The following FGD4 variants were observed in gnomAD, a reference collection of about 807,000 sequenced individuals.
The protein encoded by FGD4 is FYVE, RhoGEF and PH domain-containing protein 4.
A neutral mutation model predicts 102.0 loss-of-function variants in FGD4; 42 were observed. The observed-to-expected ratio is 0.41, with a 90% CI of 0.32 to 0.53. The LOEUF (loss-of-function observed/expected upper bound fraction) is 0.53, where lower values mean the gene tolerates loss of function less well. Ranked by LOEUF, FGD4 falls within the 20% of genes least tolerant of loss-of-function variation. The pLI, the probability that FGD4 is intolerant of heterozygous loss-of-function variation, is 0.21. For synonymous variants in FGD4, 380 were observed against 375.7 expected, an observed-to-expected ratio of 1.01 and a Z score of -0.13; for missense variants, 902 against 1,078.2, an observed-to-expected ratio of 0.84 and a Z score of 2.29.
At chr12:32,540,811 C>T (rs1292638316) in intron 1 of FGD4, among the ~76,000 whole-genome samples, 3 of 152,042 alleles carry the variant, frequency 2.0e-5, no homozygotes, top group African/African-American at 4.8e-5. Flanking sequence ...GTGATTCGCC[C>T]GCCTCTGCCT....
At chr12:32,567,125 T>C (rs1370142920) in intron 2 of FGD4, among the ~76,000 whole-genome samples, 1 of 152,200 alleles carries the variant, frequency 6.6e-6, no homozygotes, top group Admixed American at 6.5e-5. Flanking sequence ...TGTAGCCCTC[T>C]CCAGCACAAG....
intron 1 of FGD4, among the ~76,000 whole-genome samples, chr12:32,518,170 A>G (rs571701407): frequency 6.6e-6 from 1 of 152,316 alleles, no homozygotes; most frequent in South Asian, 2.1e-4. Context: ...CCTACATTCT[A>G]GGAGATGCCT....
chr12:32,630,838 T>A (rs879937434), intron 14 of FGD4, among the ~76,000 whole-genome samples: 80 of 146,556 alleles, frequency 5.5e-4, no homozygotes, highest in Non-Finnish European at 1.0e-3. Context: ...ATTAGCCTGG[T>A]GTGGTGGCAC....
chr12:32,484,309 A>G (rs531034131), intron 1 of FGD4, among the ~76,000 whole-genome samples: 1 of 152,306 alleles, frequency 6.6e-6, no homozygotes, highest in South Asian at 2.1e-4. Flanking sequence ...GTGTTTTACT[A>G]TACCCATCAA....
At chr12:32,452,490 G>C (rs1336005090) in intron 1 of FGD4, among the ~76,000 whole-genome samples, 2 of 152,240 alleles carry the variant, frequency 1.3e-5, no homozygotes, top group Non-Finnish European at 2.9e-5. Flanking sequence ...TGATTAATCT[G>C]AGTGTAGGTA....
intron 1 of FGD4, among the ~76,000 whole-genome samples, chr12:32,559,042 C>G (rs1007390356): frequency 2.0e-5 from 3 of 152,172 alleles, no homozygotes; most frequent in African/African-American, 7.2e-5. Flanking sequence ...TAAATCAGCC[C>G]TACTGGTTCT....
At chr12:32,484,507 A>G (rs1356017500) in intron 1 of FGD4, among the ~76,000 whole-genome samples, 1 of 152,204 alleles carries the variant, frequency 6.6e-6, no homozygotes, top group Non-Finnish European at 1.5e-5. Context: ...GTGTTATGTA[A>G]ATGTTGAATT....
chr12:32,455,682 T>C (rs1027958286), intron 1 of FGD4, among the ~76,000 whole-genome samples: 1 of 152,134 alleles, frequency 6.6e-6, no homozygotes, highest in Non-Finnish European at 1.5e-5. Context: ...TTTTGTGAAA[T>C]AGAGGTGTTT....
At position 32,611,296 on chromosome 12, in the gene FGD4, G is replaced by A. The variant is rs373049957; in HGVS notation, c.1749+13G>A. On this transcript the variant is annotated intron_variant, in intron 10 of 16. Transcript: ENST00000534526. ...CTACCTTTTCTTAGTGAGTATTATAGTGTTGGCAAGTCATATAAGAATTAT... is the reference window on the plus strand; with the variant it reads ...CTACCTTTTCTTAGTGAGTATTATAATGTTGGCAAGTCATATAAGAATTAT... 55 of 1,613,944 alleles carry A rather than the reference G, an allele frequency of 3.4e-5. No individual in the cohort carries two copies. The highest frequency in any genetic ancestry group is 1.5e-4 in the African/African-American group (11 of 74,928).
At chr12:32,573,017 G>A (rs1945800596) in intron 2 of FGD4, among the ~76,000 whole-genome samples, 2 of 152,186 alleles carry the variant, frequency 1.3e-5, no homozygotes, top group Admixed American at 6.5e-5. Flanking sequence ...TCAATTCCTG[G>A]GTTGCTTCTA....
In FGD4 at chr12:32,582,027, G is replaced by C; in HGVS notation, c.571G>C (p.Gly191Arg). 4 of 1,614,152 alleles carry C rather than the reference G, an allele frequency of 2.5e-6. No homozygotes were observed. Among genetic ancestry groups the C allele is most frequent in the Non-Finnish European group, 3.4e-6 (4 of 1,180,038 alleles). ...GAACCTAAATGCTCCTAGAACCCCA[G>C]GAAGGCATGGATTGACAACCACACC... The part of the protein sequence containing the change: ...AVNLNAPRTP[G>R]RHGLTTTPQQ... Residue 191 changes from glycine to arginine, a missense_variant, in exon 4 of 17, where the codon GGA becomes CGA. This residue lies in a region of FGD4 where 443 missense variants were observed against 459.2 expected (regional missense o/e 0.96). Transcript: ENST00000534526.
chr12:32,418,106 G>A (rs1027074497), intron 1 of FGD4, among the ~76,000 whole-genome samples: 3 of 151,786 alleles, frequency 2.0e-5, no homozygotes, highest in African/African-American at 4.8e-5. Flanking sequence ...ACAGGCGCCC[G>A]CCACCACGCC....
At chr12:32,579,623 G>C (rs1019615260) in intron 3 of FGD4, 6 of 152,194 alleles carry the variant, frequency 3.9e-5, no homozygotes, top group African/African-American at 1.4e-4. Flanking sequence ...CTTTCCACCA[G>C]GGAATCCAGA....
chr12:32,489,647 G>A (rs527253939), intron 1 of FGD4, among the ~76,000 whole-genome samples: 3 of 152,186 alleles, frequency 2.0e-5, no homozygotes, highest in East Asian at 1.9e-4. Flanking sequence ...CTGTATCTGC[G>A]AACTCCTTGT....
intron 15 of FGD4, 36 bp downstream of exon 15, chr12:32,633,725 AT>A: frequency 2.6e-6 from 4 of 1,558,924 alleles, no homozygotes; most frequent in Non-Finnish European, 2.6e-6. Flanking sequence ...CTTTTAGATT[AT>A]TTTTTTCCCA....
Position 32,633,660 on chromosome 12 carries a change from GAAGAAAAGAA to G in FGD4, c.2293_2302del (p.Lys765GlufsTer3). The G allele has an allele frequency of 6.2e-7, 1 of 1,606,496 alleles. No homozygotes were observed. The highest frequency in any genetic ancestry group is 8.5e-7 in the Non-Finnish European group (1 of 1,173,384). On this transcript the variant is annotated frameshift_variant, in exon 15 of 17. Coordinates refer to ENST00000534526, the MANE Select transcript of FGD4 (RefSeq NM_001370298.3). LOFTEE classifies it high-confidence loss of function. Reference sequence around the variant, plus strand: ...AATCATAAGTGGATTCACAGACAGTGAAGAAAAGAAAAGAAAAGGAATTTTAGAGGTAAGA... The same window carrying G: ...AATCATAAGTGGATTCACAGACAGTGAAGAAAAGGAATTTTAGAGGTAAGA...
chr12:32,620,520 C>CTTTTTTTTTTTTTTTT (rs1233071153), intron 11 of FGD4, among the ~76,000 whole-genome samples: 8 of 91,134 alleles, frequency 8.8e-5, no homozygotes, highest in Non-Finnish European at 1.2e-4. Flanking sequence ...TTTTTTCTTT[C>CTTTTTTTTTTTTTTTT]TTTTTTTTTT....
At chr12:32,595,300 A>C (rs1947808071) in intron 4 of FGD4, among the ~76,000 whole-genome samples, 1 of 152,146 alleles carries the variant, frequency 6.6e-6, no homozygotes, top group South Asian at 2.1e-4. Context: ...AATTTCATGG[A>C]GTATCCTGCA....
At chr12:32,529,585 CTGTAA>C (rs1941595271) in intron 1 of FGD4, among the ~76,000 whole-genome samples, 1 of 151,576 alleles carries the variant, frequency 6.6e-6, no homozygotes, top group Non-Finnish European at 1.5e-5. Flanking sequence ...TAGCTCACGC[CTGTAA>C]TCCCAGCACT....
Sources: allele counts gnomAD v4.1 joint callset (sites outside exome capture counted in the v4.1 genomes callset), GRCh38; gene constraint gnomAD v4.1.1; regional missense constraint gnomAD v4.1.1; transcripts MANE v1.5; gene names NCBI Gene and HGNC (gene_info 2026-07-23, HGNC 2026-07-21).